ABLIM1: variants seen among roughly 807,000 people sequenced by gnomAD.
The protein encoded by ABLIM1 is actin-binding LIM protein 1.
A neutral mutation model predicts 107.0 loss-of-function variants in ABLIM1; 40 were observed. That is an observed-to-expected ratio of 0.37 (90% CI 0.29 to 0.49). The LOEUF (loss-of-function observed/expected upper bound fraction) is 0.49, where lower values mean the gene tolerates loss of function less well. Ranked by LOEUF, ABLIM1 falls within the 20% of genes least tolerant of loss-of-function variation. The probability of loss-of-function intolerance (pLI) is 0.97; values close to 1 mark genes in which losing one functional copy is unlikely to be tolerated. For missense variants in ABLIM1, 857 were observed against 1,008.5 expected (o/e 0.85, Z 2.04); for synonymous variants, 357 against 357.3 (o/e 1.00, Z 0.01).
chr10:114,511,955 T>A (rs2136046428), intron 6 of ABLIM1, among the ~76,000 whole-genome samples: 1 of 152,320 alleles, frequency 6.6e-6, no homozygotes, highest in South Asian at 2.1e-4. Context: ...CAACAAACAA[T>A]CTCAGGTGGA....
intron 2 of ABLIM1, among the ~76,000 whole-genome samples, chr10:114,598,197 C>T (rs1476646595): frequency 6.8e-6 from 1 of 146,424 alleles, no homozygotes; most frequent in Non-Finnish European, 1.5e-5. Context: ...TCGCTTGAAC[C>T]CGGAAGGCGG....
intron 6 of ABLIM1, among the ~76,000 whole-genome samples, chr10:114,501,729 C>A (rs1590553646): frequency 6.6e-6 from 1 of 152,294 alleles, no homozygotes; most frequent in East Asian, 1.9e-4. Flanking sequence ...GTGGAACCTG[C>A]AGAGAGTTCT....
chr10:114,578,414 T>TC (rs2072897949), intron 2 of ABLIM1, among the ~76,000 whole-genome samples: 1 of 151,940 alleles, frequency 6.6e-6, no homozygotes, highest in African/African-American at 2.4e-5. Context: ...CTGTTGTTTT[T>TC]TTTTTTTTTG....
At chr10:114,697,399 A>C (rs533858300) in intron 1 of ABLIM1, among the ~76,000 whole-genome samples, 1 of 152,344 alleles carries the variant, frequency 6.6e-6, no homozygotes, top group Admixed American at 6.5e-5. Flanking sequence ...AGCCCTCAGG[A>C]GCTGGCACGC....
intron 1 of ABLIM1, among the ~76,000 whole-genome samples, chr10:114,721,524 C>T (rs1208536624): frequency 1.3e-5 from 2 of 152,114 alleles, no homozygotes; most frequent in East Asian, 1.9e-4. Flanking sequence ...CTCTGTCACA[C>T]AGGCTGGGGT....
chr10:114,666,057 G>A (rs1246771883), intron 1 of ABLIM1, among the ~76,000 whole-genome samples: 3 of 152,166 alleles, frequency 2.0e-5, no homozygotes, highest in African/African-American at 4.8e-5. Flanking sequence ...GGGCAAATCA[G>A]GTGACCTTTT....
At chr10:114,653,619 T>C (rs553087604) in intron 1 of ABLIM1, among the ~76,000 whole-genome samples, 80 of 152,292 alleles carry the variant, frequency 5.3e-4, no homozygotes, top group Non-Finnish European at 9.4e-4. Context: ...ATGACAGCCG[T>C]TCTTCAAGAA....
rs373705661 is a variant in ABLIM1, at chr10:114,565,864, G to A, written c.673+5433C>T. On this transcript the variant is annotated intron_variant, in intron 4 of 22. Transcript: ENST00000533213. ...GGCTGGAGTGCAGTGGTGTGATCTC[G>A]GCTCACTGCAAGCTCCGCCTCCTGG... Among the ~76,000 whole-genome samples the A allele has an allele frequency of 4.6e-5, 6 of 131,702 alleles. No individual in the cohort carries two copies. The East Asian group carries it at 9.0e-4, about 20-fold the overall frequency. The allele number at this position is 131,702 out of a possible 152,430, so 86.4% of individuals were successfully genotyped here.
intron 1 of ABLIM1, among the ~76,000 whole-genome samples, chr10:114,762,030 A>C (rs1591958372): frequency 1.1e-4 from 15 of 140,876 alleles, no homozygotes; most frequent in Non-Finnish European, 9.3e-5. Context: ...CTCTTTCTCC[A>C]CTCAGGATAT....
At chr10:114,626,184 T>C (rs2483606) in intron 1 of ABLIM1, among the ~76,000 whole-genome samples, 49,178 of 151,794 alleles carry the variant, frequency 0.32, 9,401 homozygotes, top group East Asian at 0.53. Flanking sequence ...ATTTGAGACA[T>C]AGTACATCAC....
the ABLIM1 span, among the ~76,000 whole-genome samples, chr10:114,788,557 G>T: frequency 6.6e-6 from 1 of 151,694 alleles, no homozygotes; most frequent in African/African-American, 2.4e-5. Flanking sequence ...GTGAAACCCC[G>T]TCTCTACTAA....
the ABLIM1 span, among the ~76,000 whole-genome samples, chr10:114,781,376 C>T: frequency 4.0e-5 from 6 of 151,694 alleles, no homozygotes; most frequent in South Asian, 2.1e-4. Flanking sequence ...TGGTGGTGCA[C>T]GTCTGTGATC....
intron 10 of ABLIM1, among the ~76,000 whole-genome samples, chr10:114,471,500 T>C (rs779056152): frequency 2.6e-5 from 4 of 152,142 alleles, no homozygotes; most frequent in Admixed American, 6.5e-5. Flanking sequence ...CCCGGGCCAA[T>C]GCACCTGCGC....
At chr10:114,469,051 C>CAAAAAAAAAAAAA (rs71473043) in intron 10 of ABLIM1, among the ~76,000 whole-genome samples, 1 of 75,338 alleles carries the variant, frequency 1.3e-5, no homozygotes. Context: ...GACTCTGTCT[C>CAAAAAAAAAAAAA]AAAAAAAAAA....
chr10:114,448,108 T>C, intron 14 of ABLIM1, 88 bp from the exon 15 acceptor site: 1 of 1,549,592 alleles, frequency 6.5e-7, no homozygotes, highest in Non-Finnish European at 8.8e-7. Context: ...TTTCTTGTTC[T>C]CTGGCAAAAG....
chr10:114,718,257 G>C (rs1305652779), intron 1 of ABLIM1, among the ~76,000 whole-genome samples: 1 of 152,018 alleles, frequency 6.6e-6, no homozygotes, highest in Admixed American at 6.6e-5. Context: ...TAAGTATGTA[G>C]AGTGTCCCTT....
intron 1 of ABLIM1, among the ~76,000 whole-genome samples, chr10:114,727,719 C>T (rs1463975794): frequency 6.6e-6 from 1 of 152,124 alleles, no homozygotes; most frequent in Non-Finnish European, 1.5e-5. Context: ...CTTTGGGAGG[C>T]CAAGGTGGGC....
intron 1 of ABLIM1, among the ~76,000 whole-genome samples, chr10:114,709,413 A>G (rs2081496221): frequency 6.6e-6 from 1 of 152,244 alleles, no homozygotes. Context: ...CATAGAGTCA[A>G]AACAGAAGTT....
intron 6 of ABLIM1, among the ~76,000 whole-genome samples, chr10:114,513,044 C>G (rs2062176434): frequency 6.6e-6 from 1 of 151,508 alleles, no homozygotes; most frequent in African/African-American, 2.4e-5. Context: ...TACTCTCCAT[C>G]CATCCTCCTC....
Sources: allele counts gnomAD v4.1 joint callset (sites outside exome capture counted in the v4.1 genomes callset), GRCh38; gene constraint gnomAD v4.1.1; transcripts MANE v1.5; gene names NCBI Gene and HGNC (gene_info 2026-07-23, HGNC 2026-07-21).